NBAS: variants seen among roughly 807,000 people sequenced by gnomAD.
The protein encoded by NBAS is NAG/BC035112 fusion.
In NBAS, 219 loss-of-function variants were observed where a neutral mutation model predicts 302.5. The observed-to-expected ratio is 0.72, with a 90% CI of 0.65 to 0.81. The LOEUF (loss-of-function observed/expected upper bound fraction) is 0.81, where lower values mean the gene tolerates loss of function less well. Among genes scored for constraint, NBAS ranks in the 30% least tolerant of loss-of-function variants. The pLI is 0.00. For missense variants in NBAS, 2,932 were observed against 2,841.6 expected, an observed-to-expected ratio of 1.03 and a Z score of -0.72; for synonymous variants, 1,118 against 1,021.6, an observed-to-expected ratio of 1.09 and a Z score of -1.80.
chr2:15,067,338 C>T, the NBAS span, among the ~76,000 whole-genome samples: 3 of 130,846 alleles, frequency 2.3e-5, no homozygotes, highest in Non-Finnish European at 4.9e-5. Flanking sequence ...GAGTGAAACT[C>T]TGTCTCCAGA....
intron 11 of NBAS, among the ~76,000 whole-genome samples, chr2:15,502,390 A>T (rs1661611296): frequency 1.3e-5 from 2 of 152,226 alleles, no homozygotes; most frequent in South Asian, 4.1e-4. Flanking sequence ...TGTTCTGCAA[A>T]ATGTGTCATT....
chr2:15,483,390 A>G (rs1225023033), intron 12 of NBAS: 1 of 422,282 alleles, frequency 2.4e-6, no homozygotes, highest in East Asian at 7.5e-5. Context: ...GAAAAAGAAA[A>G]TAAAATGACA....
In NBAS at chr2:15,374,517, G is replaced by A. The variant is rs73198614; in HGVS notation, c.3703+91C>T. 4.2e-3 allele frequency: 4,557 copies of A among 1,076,616 alleles called. 135 individuals are homozygous for A. In the African/African-American group the frequency reaches 0.06, roughly 14 times the overall value. The allele number at this position is 1,076,616 out of a possible 1,614,324, so 66.7% of individuals were successfully genotyped here. On this transcript the variant is annotated intron_variant, in intron 31 of 51. Coordinates refer to ENST00000281513, the MANE Select transcript of NBAS (RefSeq NM_015909.4). Reference sequence around the variant, plus strand: ...ATTGCTAATGGATTACATGACCAAAGCTACTCTTTAGTTTTAAAAACTAAA... The same window carrying A: ...ATTGCTAATGGATTACATGACCAAAACTACTCTTTAGTTTTAAAAACTAAA...
intron 26 of NBAS, 80 bp from the exon 27 acceptor site, chr2:15,396,555 T>C (rs1675876974): frequency 3.2e-6 from 3 of 942,420 alleles, no homozygotes; most frequent in Non-Finnish European, 4.8e-6. Context: ...CTTAATGAAG[T>C]GAAAAAAAGA....
intron 48 of NBAS, among the ~76,000 whole-genome samples, chr2:15,196,184 A>G (rs552748743): frequency 4.7e-4 from 72 of 152,330 alleles, no homozygotes; most frequent in African/African-American, 1.6e-3. Context: ...TACTTCAAGA[A>G]GGCAAGAACT....
the NBAS span, among the ~76,000 whole-genome samples, chr2:14,789,302 C>T: frequency 2.6e-5 from 4 of 152,334 alleles, no homozygotes; most frequent in African/African-American, 9.6e-5. Flanking sequence ...GGCAATGCCT[C>T]ACCCTGCTTC....
chr2:15,239,977 G>C (rs1667787021), intron 44 of NBAS, among the ~76,000 whole-genome samples: 1 of 152,134 alleles, frequency 6.6e-6, no homozygotes, highest in South Asian at 2.1e-4. Flanking sequence ...GTTGATGGAG[G>C]AAGCAGACGC....
At chr2:15,190,117 A>G in intron 49 of NBAS, 147 bp downstream of exon 49, 1 of 897,590 alleles carries the variant, frequency 1.1e-6, no homozygotes, top group East Asian at 2.5e-5. Context: ...TATTTCAAAA[A>G]CAATTTTAAA....
At chr2:15,022,360 G>A in the NBAS span, among the ~76,000 whole-genome samples, 1 of 152,114 alleles carries the variant, frequency 6.6e-6, no homozygotes, top group Non-Finnish European at 1.5e-5. Context: ...GATGTTGAGA[G>A]GTCATGTCAA....
Position 15,432,849 on chromosome 2 carries a change from A to G in NBAS, c.2340-5055T>C, listed in dbSNP as rs572304217. ...GTTATCACTCATAACACCAAGTCGA[A>G]AAAAAAGCTGTCCGAAGGCATTATT... On this transcript the variant is annotated intron_variant, in intron 21 of 51. Transcript: ENST00000281513. Among the ~76,000 whole-genome samples, 4 of 152,236 alleles carry G rather than the reference A, an allele frequency of 2.6e-5. No homozygotes were observed. In the East Asian group the frequency reaches 7.8e-4, roughly 30 times the overall value.
chr2:14,799,070 G>A, the NBAS span, among the ~76,000 whole-genome samples: 1 of 151,566 alleles, frequency 6.6e-6, no homozygotes, highest in Non-Finnish European at 1.5e-5. Context: ...ATTCTAAAAT[G>A]TATTAGTTCT....
chr2:15,428,761 A>C (rs903066784), intron 21 of NBAS, among the ~76,000 whole-genome samples: 2 of 152,038 alleles, frequency 1.3e-5, no homozygotes, highest in Non-Finnish European at 1.5e-5. Context: ...GAATAAATTA[A>C]GGCCAGGCGC....
the NBAS span, among the ~76,000 whole-genome samples, chr2:14,944,262 C>T: frequency 1.3e-5 from 2 of 152,174 alleles, no homozygotes; most frequent in African/African-American, 2.4e-5. Context: ...ATCGATCGCA[C>T]CACTGCCCTC....
At chr2:14,939,525 CCTT>C in the NBAS span, among the ~76,000 whole-genome samples, 2 of 152,334 alleles carry the variant, frequency 1.3e-5, no homozygotes, top group South Asian at 4.1e-4. Context: ...GGGAGTCAGA[CCTT>C]CTGACTTCTC....
At chr2:14,978,339 G>C in the NBAS span, among the ~76,000 whole-genome samples, 1 of 152,130 alleles carries the variant, frequency 6.6e-6, no homozygotes, top group African/African-American at 2.4e-5. Flanking sequence ...CAAAGTGTAA[G>C]CTTTGTAGGA....
In NBAS at chr2:15,366,638, G is replaced by C; in HGVS notation, c.3759C>G (p.Pro1253=). The C allele has an allele frequency of 6.2e-7, 1 of 1,614,100 alleles. No homozygotes were observed. Among genetic ancestry groups the C allele is most frequent in the Non-Finnish European group, 8.5e-7 (1 of 1,179,992 alleles). The change falls in exon 32 of 52, where the codon CCC becomes CCG. Residue 1253 remains proline, a synonymous_variant. Coordinates refer to ENST00000281513, the MANE Select transcript of NBAS (RefSeq NM_015909.4). ...SLIKECISQS[P]TCYKQSTKLL... ...GCTTGGTGGATTGTTTATAGCATGT[G>C]GGGGACTGGGAAATACACTCCTTGA...
At chr2:14,977,079 C>T in the NBAS span, among the ~76,000 whole-genome samples, 27,226 of 152,124 alleles carry the variant, frequency 0.18, 3,180 homozygotes, top group Non-Finnish European at 0.27. Flanking sequence ...ATATGCTACC[C>T]GCCAAAATGA....
chr2:15,163,898 G>T (rs1339792988), downstream of NBAS, among the ~76,000 whole-genome samples: 1 of 151,848 alleles, frequency 6.6e-6, no homozygotes, highest in Admixed American at 6.6e-5. Flanking sequence ...CCAGGTTCAA[G>T]TGATTCTCCT....
At chr2:15,283,815 T>G (rs1035873773) in intron 42 of NBAS, among the ~76,000 whole-genome samples, 1 of 152,236 alleles carries the variant, frequency 6.6e-6, no homozygotes, top group Non-Finnish European at 1.5e-5. Context: ...CCAGGCTACA[T>G]GGTTGGTGGC....
Sources: gnomAD v4.1 joint callset for allele counts (sites outside exome capture counted in the v4.1 genomes callset) on GRCh38, gnomAD v4.1.1 for gene constraint, MANE v1.5 for transcripts, NCBI Gene and HGNC (gene_info 2026-07-23, HGNC 2026-07-21) for gene names.